FLRT3: variants seen among roughly 807,000 people sequenced by gnomAD.
The protein encoded by FLRT3 is fibronectin leucine rich transmembrane protein 3.
Under a neutral mutation model 42.6 loss-of-function variants are expected in FLRT3, and 17 were observed. The ratio of observed to expected loss-of-function variants is 0.40; its 90% CI spans 0.27 to 0.60. The LOEUF (loss-of-function observed/expected upper bound fraction) is 0.60. Among genes scored for constraint, FLRT3 ranks in the 20% least tolerant of loss-of-function variants. The pLI, the probability that FLRT3 is intolerant of heterozygous loss-of-function variation, is 0.44. For synonymous variants in FLRT3, 279 were observed against 286.4 expected, an observed-to-expected ratio of 0.97 and a Z score of 0.26; for missense variants, 635 against 789.2, an observed-to-expected ratio of 0.80 and a Z score of 2.34.
At position 14,326,585 on chromosome 20, in the gene FLRT3, A is replaced by G. The variant is rs768394306; in HGVS notation, c.922T>C (p.Tyr308His). ...ACCCATTTCATCTTGCACCCGCAAT[A>G]CCAGGGATTGTTGCGAAGAATCAGT... is the stretch of plus-strand genomic sequence containing the variant. Reference protein sequence around the residue: ...TQLILRNNPWYCGCKMKWVRD... With the variant: ...TQLILRNNPWHCGCKMKWVRD... Residue 308 changes from tyrosine to histidine, a missense_variant, in exon 3 of 3, where the codon TAT becomes CAT. Tyr to His is a moderately conservative substitution (Grantham distance 83, BLOSUM62 2). Transcript: ENST00000341420. This position sits in a 1 kb window ranked among gnomAD's most constrained non-coding sequence, Gnocchi z 5.5. 2.5e-6 allele frequency: 4 copies of G among 1,613,904 alleles called. No individual in the cohort carries two copies. The highest frequency in any genetic ancestry group is 1.1e-5 in the South Asian group (1 of 91,084).
rs1397968097 is a variant in FLRT3 at position 14,324,321 on chromosome 20, G to A, written c.*1236C>T. The stretch of plus-strand genomic sequence containing the variant: ...AAAAAAATCATGGCAACAGAAAAGT[G>A]ATATGGTTTTTCAACAAGTAACAGC... On this transcript the variant is annotated 3_prime_UTR_variant, in exon 3 of 3. Transcript: ENST00000341420. 6.6e-6 allele frequency: 1 copy of A among 152,322 alleles called. No homozygotes were observed. The highest frequency in any genetic ancestry group is 1.5e-5 in the Non-Finnish European group (1 of 68,010). 9.4% of individuals were successfully genotyped at this position (152,322 alleles called of 1,614,324 possible). A position where few individuals can be genotyped will look rare whatever the true frequency, so the allele number is the denominator to read the frequency against.
In FLRT3 at chr20:14,327,454, A is replaced by G. The variant is rs2082755400; in HGVS notation, c.53T>C (p.Phe18Ser). 6.2e-7 allele frequency: 1 copy of G among 1,613,340 alleles called. No homozygotes were observed. The highest frequency in any genetic ancestry group is 1.7e-5 in the Admixed American group (1 of 59,936). Residue 18 changes from phenylalanine to serine, a missense_variant, in exon 3 of 3, where the codon TTC becomes TCC. Physicochemically the swap from Phe to Ser is radical, Grantham distance 155. Coordinates refer to ENST00000341420, the MANE Select transcript of FLRT3 (RefSeq NM_198391.3). Reference protein sequence around the residue: ...IFLIGTKIGLFLQVAPLSVMA... With the variant: ...IFLIGTKIGLSLQVAPLSVMA... ...AACTGATAGAGGTGCTACTTGAAGG[A>G]ACAGCCCAATTTTAGTCCCGATGAG...
chr20:14,330,896 T>A (rs1173109432), intron 1 of FLRT3, among the ~76,000 whole-genome samples: 1 of 152,134 alleles, frequency 6.6e-6, no homozygotes, highest in Non-Finnish European at 1.5e-5. Context: ...TTTTAAAGTA[T>A]CTTCTGTAAA....
At chr20:14,328,262 A>G (rs773080672) in intron 2 of FLRT3, among the ~76,000 whole-genome samples, 1 of 152,178 alleles carries the variant, frequency 6.6e-6, no homozygotes, top group African/African-American at 2.4e-5. Context: ...AAGCTAATAC[A>G]TCCAGCTAAC....
chr20:14,327,055 C>T lies in FLRT3; in HGVS notation c.452G>A (p.Arg151Gln), dbSNP rs550965135. 89 of 1,613,680 alleles carry T rather than the reference C, an allele frequency of 5.5e-5. No homozygotes were observed. The highest frequency in any genetic ancestry group is 4.2e-4 in the Admixed American group (25 of 59,974). ...SAVSIEEGAF[R>Q]DSNYLRLLFL... ...AAGCAGTCGGAGATAGTTGCTGTCT[C>T]GGAATGCTCCCTCTTCTATGCTAAC... The change falls in exon 3 of 3, where the codon CGA becomes CAA. Residue 151 changes from arginine to glutamine, a missense_variant. Physicochemically the swap from Arg to Gln is conservative, Grantham distance 43. Transcript: ENST00000341420.
chr20:14,326,411 T>G lies in FLRT3; in HGVS notation c.1096A>C (p.Ile366Leu), dbSNP rs371671990. The change falls in exon 3 of 3, where the codon ATA becomes CTA. Residue 366 changes from isoleucine to leucine, a missense_variant. Coordinates refer to ENST00000341420, the MANE Select transcript of FLRT3 (RefSeq NM_198391.3). This position sits in a 1 kb window ranked among gnomAD's most constrained non-coding sequence, Gnocchi z 5.5. ...ACTGTGTTGGGTATTGCAGTGGTTA[T>G]CTGAATGGTGCTTACAATCCCACTG... ...KDSGIVSTIQITTAIPNTVYP... is the reference protein window; with the variant it reads ...KDSGIVSTIQLTTAIPNTVYP... The G allele has an allele frequency of 7.2e-5, 117 of 1,613,824 alleles. No individual in the cohort carries two copies. The highest frequency in any genetic ancestry group is 9.5e-5 in the Non-Finnish European group (112 of 1,179,904).
intron 2 of FLRT3, among the ~76,000 whole-genome samples, chr20:14,328,722 G>A (rs965589661): frequency 9.2e-5 from 14 of 152,100 alleles, no homozygotes; most frequent in African/African-American, 2.6e-4. Context: ...ATCCTATGGC[G>A]TACACACCTC....
intron 1 of FLRT3, among the ~76,000 whole-genome samples, chr20:14,333,800 T>C (rs1249549249): frequency 2.0e-5 from 3 of 152,140 alleles, no homozygotes; most frequent in Admixed American, 1.3e-4. Flanking sequence ...CCAAGCAGGG[T>C]ATTACTTAAA....
chr20:14,331,602 C>A (rs1293585382), intron 1 of FLRT3, among the ~76,000 whole-genome samples: 1 of 152,138 alleles, frequency 6.6e-6, no homozygotes, highest in Non-Finnish European at 1.5e-5. Context: ...CAGAGCTACT[C>A]TCATATGCCC....
At chr20:14,333,634 A>G (rs1322470728) in intron 1 of FLRT3, among the ~76,000 whole-genome samples, 1 of 152,174 alleles carries the variant, frequency 6.6e-6, no homozygotes, top group African/African-American at 2.4e-5. Flanking sequence ...CCTTTTTAAC[A>G]GTGTGGGTAC....
chr20:14,329,957 TG>T (rs1250848352), intron 1 of FLRT3, among the ~76,000 whole-genome samples: 5 of 152,040 alleles, frequency 3.3e-5, no homozygotes, highest in Non-Finnish European at 7.4e-5. Flanking sequence ...CAGGTGTTCT[TG>T]CCCAAAAGGT....
Position 14,337,578 on chromosome 20 carries a change from G to T in FLRT3, c.-421C>A. 1 of 398,568 alleles carries T rather than the reference G, an allele frequency of 2.5e-6. No homozygotes were observed. Among genetic ancestry groups the T allele is most frequent in the Non-Finnish European group, 4.4e-6 (1 of 226,054 alleles). The allele number at this position is 398,568 out of a possible 1,614,324, so 24.7% of individuals were successfully genotyped here. ...TGCTTCAGATCACTCCTACACTGAGGAGTGAGCGAGGGAGAGCATTCCAGT... is the reference window on the plus strand; with the variant it reads ...TGCTTCAGATCACTCCTACACTGAGTAGTGAGCGAGGGAGAGCATTCCAGT... On this transcript the variant is annotated 5_prime_UTR_variant, in exon 1 of 3. Transcript: ENST00000341420.
rs900540095 is a variant in FLRT3 at position 14,326,172 on chromosome 20, A to G, written c.1335T>C (p.His445=). Reference sequence around the variant, plus strand: ...CTGTTATAGATCCAAATGCCGGGCTATGGCCCAGTTTAAGCCAGCTGAGTC... The same window carrying G: ...CTGTTATAGATCCAAATGCCGGGCTGTGGCCCAGTTTAAGCCAGCTGAGTC... ...ALRLSWLKLG[H]SPAFGSITET... is the part of the protein sequence containing the mutation. Residue 445 remains histidine (H), a synonymous_variant, in exon 3 of 3, where the codon CAT becomes CAC. Coordinates refer to ENST00000341420, the MANE Select transcript of FLRT3 (RefSeq NM_198391.3). This position sits in a 1 kb window ranked among gnomAD's most constrained non-coding sequence, Gnocchi z 5.5. The G allele has an allele frequency of 3.1e-6, 5 of 1,613,898 alleles. No homozygotes were observed. Among genetic ancestry groups the G allele is most frequent in the Non-Finnish European group, 3.4e-6 (4 of 1,179,882 alleles).
At chr20:14,327,834 G>A (rs1326395416) in intron 2 of FLRT3, among the ~76,000 whole-genome samples, 1 of 151,806 alleles carries the variant, frequency 6.6e-6, no homozygotes, top group Admixed American at 6.6e-5. Context: ...AAGTTTTATT[G>A]AATAATCCAA....
rs371206318 is a variant in FLRT3 at position 14,327,093 on chromosome 20, G to A, written c.414C>T (p.Asn138=). ...CTTCTATGCTAACTGCAGAGACAGAGTTGTCATCTAAATGTAATTCTTCCA... is the reference window on the plus strand; with the variant it reads ...CTTCTATGCTAACTGCAGAGACAGAATTGTCATCTAAATGTAATTCTTCCA... The part of the protein sequence containing the change: ...PYLEELHLDD[N]SVSAVSIEEG... Residue 138 remains asparagine (N), a synonymous_variant, in exon 3 of 3, where the codon AAC becomes AAT. Transcript: ENST00000341420. The A allele has an allele frequency of 1.3e-5, 21 of 1,613,694 alleles. No individual in the cohort carries two copies. The African/African-American group carries it at 2.7e-4, about 21-fold the overall frequency.
chr20:14,332,004 T>G (rs929985077), intron 1 of FLRT3, among the ~76,000 whole-genome samples: 1 of 152,106 alleles, frequency 6.6e-6, no homozygotes, highest in Non-Finnish European at 1.5e-5. Flanking sequence ...ATGGGGTAAC[T>G]TGGGAGGAAA....
chr20:14,331,985 A>G (rs572647199), intron 1 of FLRT3, among the ~76,000 whole-genome samples: 11 of 152,264 alleles, frequency 7.2e-5, no homozygotes, highest in Admixed American at 2.0e-4. Flanking sequence ...TTTTAGAAAA[A>G]TACTGTTAAT....
Position 14,325,460 on chromosome 20 carries a change from T to G in FLRT3, c.*97A>C. ...TACAGTACATTGCTTTTTTTCAGTC[T>G]CTTTTTCCAGTGTTTTGCAGTAGAA... On this transcript the variant is annotated 3_prime_UTR_variant, in exon 3 of 3. Coordinates refer to ENST00000341420, the MANE Select transcript of FLRT3 (RefSeq NM_198391.3). 7.7e-7 allele frequency: 1 copy of G among 1,304,524 alleles called. No individual in the cohort carries two copies. Among genetic ancestry groups the G allele is most frequent in the Non-Finnish European group, 1.1e-6 (1 of 947,896 alleles). The allele number at this position is 1,304,524 out of a possible 1,614,324, so 80.8% of individuals were successfully genotyped here.
intron 2 of FLRT3, 164 bp downstream of exon 2, chr20:14,328,970 G>A (rs2082785273): frequency 6.6e-6 from 1 of 152,054 alleles, no homozygotes; most frequent in African/African-American, 2.4e-5. Context: ...TCTGTGCAAT[G>A]TGGTCAGAGA....
Sources: allele counts gnomAD v4.1 joint callset (sites outside exome capture counted in the v4.1 genomes callset), GRCh38; gene constraint gnomAD v4.1.1; non-coding constraint Gnocchi (gnomAD v3.1); transcripts MANE v1.5; gene names NCBI Gene and HGNC (gene_info 2026-07-23, HGNC 2026-07-21).